Variants in CENPW observed in about 807,000 individuals in gnomAD.
The protein encoded by CENPW is cancer-up-regulated gene 2 protein.
In CENPW, 3 loss-of-function variants were observed where a neutral mutation model predicts 11.1. The observed-to-expected ratio is 0.27, with a 90% CI of 0.12 to 0.70. The LOEUF (loss-of-function observed/expected upper bound fraction) is 0.70. Among genes scored for constraint, CENPW ranks in the 30% least tolerant of loss-of-function variants. CENPW has a pLI of 0.77. For synonymous variants in CENPW, 38 were observed against 42.0 expected (o/e 0.91, Z 0.37); for missense variants, 100 against 105.6 (o/e 0.95, Z 0.23).
the CENPW span, among the ~76,000 whole-genome samples, chr6:126,411,583 G>T: frequency 6.6e-6 from 1 of 152,154 alleles, no homozygotes; most frequent in South Asian, 2.1e-4. Context: ...CTTCCCACAG[G>T]GTCAGGATCT....
the CENPW span, among the ~76,000 whole-genome samples, chr6:126,444,153 T>G: frequency 6.6e-6 from 1 of 150,834 alleles, no homozygotes; most frequent in Non-Finnish European, 1.5e-5. Flanking sequence ...TAGAACATGT[T>G]TCCCTGTGGT....
At chr6:126,393,066 C>T in the CENPW span, among the ~76,000 whole-genome samples, 1 of 151,628 alleles carries the variant, frequency 6.6e-6, no homozygotes, top group African/African-American at 2.4e-5. Context: ...TTAGATTTTC[C>T]AATGTATTGG....
chr6:126,341,411 T>C (rs1329654825), intron 1 of CENPW, among the ~76,000 whole-genome samples: 3 of 152,198 alleles, frequency 2.0e-5, no homozygotes, highest in African/African-American at 4.8e-5. Flanking sequence ...CTCTTTACTC[T>C]TTTGCTTCCT....
chr6:126,382,993 A>G, the CENPW span, among the ~76,000 whole-genome samples: 3 of 152,176 alleles, frequency 2.0e-5, no homozygotes, highest in African/African-American at 7.2e-5. Context: ...TTCAGAATCT[A>G]TAAGGTTGAA....
the CENPW span, among the ~76,000 whole-genome samples, chr6:126,479,267 T>C: frequency 6.6e-6 from 1 of 152,012 alleles, no homozygotes; most frequent in African/African-American, 2.4e-5. Flanking sequence ...TGTTATTAGA[T>C]ACTTCCTATA....
the CENPW span, among the ~76,000 whole-genome samples, chr6:126,445,255 G>A: frequency 6.6e-6 from 1 of 151,188 alleles, no homozygotes; most frequent in South Asian, 2.1e-4. Context: ...GATACCATGT[G>A]GGTCTGATAT....
intron 2 of CENPW, among the ~76,000 whole-genome samples, chr6:126,347,687 A>G (rs1050386124): frequency 5.9e-5 from 9 of 152,080 alleles, no homozygotes; most frequent in African/African-American, 2.2e-4. Flanking sequence ...ACACTATTAA[A>G]GTCAATGTAA....
chr6:126,435,452 C>T, the CENPW span, among the ~76,000 whole-genome samples: 2 of 151,444 alleles, frequency 1.3e-5, no homozygotes, highest in African/African-American at 4.8e-5. Flanking sequence ...TTCTGCCTTC[C>T]TGGTGGTCTA....
chr6:126,391,736 C>T, the CENPW span, among the ~76,000 whole-genome samples: 1 of 151,874 alleles, frequency 6.6e-6, no homozygotes, highest in Admixed American at 6.6e-5. Context: ...CTGTCCTTTC[C>T]CCAGTGTATG....
the CENPW span, among the ~76,000 whole-genome samples, chr6:126,394,800 T>G: frequency 6.6e-6 from 1 of 152,018 alleles, no homozygotes; most frequent in Non-Finnish European, 1.5e-5. Flanking sequence ...TTTTCTTTTT[T>G]TCTTTCTTTT....
the CENPW span, among the ~76,000 whole-genome samples, chr6:126,432,837 T>C: frequency 6.6e-6 from 1 of 152,202 alleles, no homozygotes; most frequent in Non-Finnish European, 1.5e-5. Context: ...TCTCCAAACA[T>C]AGTCATTGCC....
the CENPW span, among the ~76,000 whole-genome samples, chr6:126,391,473 C>A: frequency 6.6e-6 from 1 of 151,760 alleles, no homozygotes; most frequent in East Asian, 1.9e-4. Context: ...CTTTTTAACT[C>A]ATTGTGATCA....
At chr6:126,368,473 A>C in the CENPW span, among the ~76,000 whole-genome samples, 2 of 152,070 alleles carry the variant, frequency 1.3e-5, no homozygotes, top group East Asian at 3.9e-4. Context: ...TAAAAACTTT[A>C]ATGTATTGGA....
chr6:126,377,176 A>G, the CENPW span, among the ~76,000 whole-genome samples: 1 of 152,178 alleles, frequency 6.6e-6, no homozygotes, highest in South Asian at 2.1e-4. Flanking sequence ...ACTGGGTATC[A>G]AATTTATACT....
At chr6:126,429,393 T>C in the CENPW span, among the ~76,000 whole-genome samples, 1 of 152,204 alleles carries the variant, frequency 6.6e-6, no homozygotes, top group Non-Finnish European at 1.5e-5. Flanking sequence ...TGTTTGGGTC[T>C]TGGGGGTGGA....
the CENPW span, among the ~76,000 whole-genome samples, chr6:126,360,606 G>T: frequency 1.1e-4 from 16 of 151,764 alleles, no homozygotes; most frequent in African/African-American, 3.4e-4. Context: ...ATTTCTCAGA[G>T]ATTTTGTTAA....
At chr6:126,345,920 C>T (rs754152892) in intron 1 of CENPW, among the ~76,000 whole-genome samples, 4 of 151,982 alleles carry the variant, frequency 2.6e-5, no homozygotes, top group Non-Finnish European at 5.9e-5. Context: ...TGTTACTAAG[C>T]GAATCTTACA....
chr6:126,393,115 A>G, the CENPW span, among the ~76,000 whole-genome samples: 16 of 151,838 alleles, frequency 1.1e-4, no homozygotes, highest in African/African-American at 1.7e-4. Flanking sequence ...GATCCTTTGA[A>G]TTTCTGTAGT....
At chr6:126,440,891 A>G in the CENPW span, among the ~76,000 whole-genome samples, 2 of 151,488 alleles carry the variant, frequency 1.3e-5, no homozygotes, top group Non-Finnish European at 3.0e-5. Flanking sequence ...CTATGTTTGT[A>G]TTAGAGAGGG....
Sources: gnomAD v4.1 joint callset for allele counts (sites outside exome capture counted in the v4.1 genomes callset) on GRCh38, gnomAD v4.1.1 for gene constraint, MANE v1.5 for transcripts, NCBI Gene and HGNC (gene_info 2026-07-23, HGNC 2026-07-21) for gene names.